Variants in NFATC2 observed in about 807,000 individuals in gnomAD.
NFATC2 encodes nuclear factor of activated T-cells, cytoplasmic 2.
In NFATC2, 22 loss-of-function variants were observed where a neutral mutation model predicts 87.3. That is an observed-to-expected ratio of 0.25 (90% confidence interval 0.18 to 0.36). NFATC2 has a LOEUF of 0.36. Ranked by LOEUF, NFATC2 falls within the 10% of genes least tolerant of loss-of-function variation. The pLI is 1.00. For synonymous variants in NFATC2, 565 were observed against 542.2 expected (o/e 1.04, Z -0.58); for missense variants, 1,149 against 1,259.1 (o/e 0.91, Z 1.32).
chr20:51,486,431 G>A (rs984107342), intron 3 of NFATC2, among the ~76,000 whole-genome samples: 1 of 152,146 alleles, frequency 6.6e-6, no homozygotes, highest in Non-Finnish European at 1.5e-5. Flanking sequence ...CCCACAGCTG[G>A]TTCCTCCTGA....
At chr20:51,554,612 T>C (rs2076961905) in intron 1 of NFATC2, among the ~76,000 whole-genome samples, 1 of 152,212 alleles carries the variant, frequency 6.6e-6, no homozygotes. Flanking sequence ...CTTTCAACCT[T>C]AAAGTACCCC....
At chr20:51,406,460 C>G (rs1978334964) in intron 9 of NFATC2, among the ~76,000 whole-genome samples, 1 of 152,200 alleles carries the variant, frequency 6.6e-6, no homozygotes, top group Admixed American at 6.5e-5. Context: ...CAAAGAGCGG[C>G]TTGGCCCCCT....
chr20:51,535,748 T>C (rs1008775380), intron 1 of NFATC2, among the ~76,000 whole-genome samples: 7 of 152,234 alleles, frequency 4.6e-5, no homozygotes, highest in African/African-American at 1.7e-4. Flanking sequence ...CTTGGGGTTT[T>C]TTTTCCCCCT....
intron 1 of NFATC2, among the ~76,000 whole-genome samples, chr20:51,533,835 G>T (rs1401490947): frequency 4.6e-5 from 7 of 152,240 alleles, no homozygotes; most frequent in Non-Finnish European, 8.8e-5. Flanking sequence ...TTGGATAGGG[G>T]TGGAGAAATG....
chr20:51,456,737 A>G (rs1232122509), intron 5 of NFATC2, among the ~76,000 whole-genome samples: 2 of 152,200 alleles, frequency 1.3e-5, no homozygotes, highest in Non-Finnish European at 2.9e-5. Flanking sequence ...GGACCTCCCC[A>G]TCCGCGAGCC....
At chr20:51,418,614 G>T (rs1296887553) in intron 9 of NFATC2, among the ~76,000 whole-genome samples, 4 of 151,846 alleles carry the variant, frequency 2.6e-5, no homozygotes, top group South Asian at 4.2e-4. Context: ...GACATTTAAG[G>T]CCTCACCCTC....
Position 51,542,445 on chromosome 20 carries a change from C to T in NFATC2, c.55G>A (p.Glu19Lys), listed in dbSNP as rs754445439. 3 of 1,591,968 alleles carry T rather than the reference C, an allele frequency of 1.9e-6. No individual in the cohort carries two copies. The highest frequency in any genetic ancestry group is 3.3e-4 in the Middle Eastern group (2 of 5,994). ...QPDGGDAPGH[E>K]PGGSPQDELD... ...TCGTCTTGGGGGCTGCCCCCAGGCT[C>T]GTGGCCTGGGGCGTCCCCGCCGTCG... is the stretch of plus-strand genomic sequence containing the variant. Residue 19 changes from glutamate (E) to lysine (K), a missense_variant, in exon 1 of 11, where the codon GAG becomes AAG. Glu to Lys is a moderately conservative substitution (Grantham distance 56, BLOSUM62 1). Around this residue, in one of 3 missense-constraint regions of NFATC2, gnomAD observed 563 missense variants for 585.2 expected, o/e 0.96. Transcript: ENST00000371564.
chr20:51,424,352 C>T (rs1374134660), intron 9 of NFATC2, among the ~76,000 whole-genome samples: 2 of 152,172 alleles, frequency 1.3e-5, no homozygotes, highest in Admixed American at 1.3e-4. Context: ...TAGCTCTGCC[C>T]CTGCCCCTAT....
Position 51,534,114 on chromosome 20 carries a change from C to T in NFATC2, c.130+8256G>A, listed in dbSNP as rs190953307. Among the ~76,000 whole-genome samples, 4 of 152,278 alleles carry T rather than the reference C, an allele frequency of 2.6e-5. No individual in the cohort carries two copies. In the South Asian group the frequency reaches 8.3e-4, roughly 32 times the overall value. ...CTGTTCTCTCTGCAGTTTACATAAA[C>T]CCCTGGAGATAGCTACTCCGAACAC... On this transcript the variant is annotated intron_variant, in intron 1 of 10. Coordinates refer to ENST00000371564, the MANE Select transcript of NFATC2 (RefSeq NM_012340.5).
intron 1 of NFATC2, among the ~76,000 whole-genome samples, chr20:51,555,308 T>C (rs759414029): frequency 6.6e-6 from 1 of 152,122 alleles, no homozygotes; most frequent in Non-Finnish European, 1.5e-5. Flanking sequence ...CAAGATCCTA[T>C]GTGGGCCGGG....
chr20:51,405,215 A>G (rs976730637), intron 9 of NFATC2, among the ~76,000 whole-genome samples: 1 of 152,168 alleles, frequency 6.6e-6, no homozygotes, highest in Non-Finnish European at 1.5e-5. Flanking sequence ...AGGGACCGTA[A>G]GACATCCTCC....
chr20:51,465,752 C>T (rs530456966), intron 5 of NFATC2, among the ~76,000 whole-genome samples: 2 of 152,110 alleles, frequency 1.3e-5, no homozygotes, highest in African/African-American at 2.4e-5. Context: ...ACCCGTGGTC[C>T]TTGTTATTTT....
intron 10 of NFATC2, among the ~76,000 whole-genome samples, chr20:51,392,289 T>A (rs1205348658): frequency 6.6e-6 from 1 of 152,152 alleles, no homozygotes; most frequent in Non-Finnish European, 1.5e-5. Flanking sequence ...AGTTGAAGGA[T>A]CATGTGCCAG....
intron 9 of NFATC2, among the ~76,000 whole-genome samples, chr20:51,416,414 G>A (rs888045089): frequency 2.0e-5 from 3 of 152,220 alleles, no homozygotes; most frequent in Admixed American, 1.3e-4. Flanking sequence ...TTCCCAGGGT[G>A]CCAGCTCCTG....
At chr20:51,522,607 G>A (rs1438230781) in intron 2 of NFATC2, among the ~76,000 whole-genome samples, 1 of 147,838 alleles carries the variant, frequency 6.8e-6, no homozygotes, top group Non-Finnish European at 1.5e-5. Flanking sequence ...ATATAACTGC[G>A]GCACACAGCA....
chr20:51,499,348 C>T (rs1454163611), intron 3 of NFATC2, among the ~76,000 whole-genome samples: 1 of 152,060 alleles, frequency 6.6e-6, no homozygotes, highest in Non-Finnish European at 1.5e-5. Context: ...TACCCCGAGC[C>T]CAGCTCCCAC....
chr20:51,402,088 A>C (rs1293277449), intron 9 of NFATC2, among the ~76,000 whole-genome samples: 1 of 152,228 alleles, frequency 6.6e-6, no homozygotes. Context: ...CCTCCTAGCC[A>C]GTGTAGAATA....
chr20:51,472,764 T>TA (rs1988347666), intron 5 of NFATC2, among the ~76,000 whole-genome samples: 2 of 151,186 alleles, frequency 1.3e-5, no homozygotes, highest in Non-Finnish European at 2.9e-5. Context: ...GCCTCCCAAG[T>TA]AGTTGGAATT....
chr20:51,392,714 C>CTTT (rs1257437150), intron 10 of NFATC2, among the ~76,000 whole-genome samples: 1 of 152,194 alleles, frequency 6.6e-6, no homozygotes, highest in Non-Finnish European at 1.5e-5. Flanking sequence ...CTCATACTTC[C>CTTT]TTTTCTCACC....
Sources: allele counts gnomAD v4.1 joint callset (sites outside exome capture counted in the v4.1 genomes callset), GRCh38; gene constraint gnomAD v4.1.1; regional missense constraint gnomAD v4.1.1; transcripts MANE v1.5; gene names NCBI Gene and HGNC (gene_info 2026-07-23, HGNC 2026-07-21).